The following FSTL1 variants were observed in gnomAD, a reference collection of about 807,000 sequenced individuals.
FSTL1 encodes the protein follistatin like 1.
Under a neutral mutation model 45.9 loss-of-function variants are expected in FSTL1, and 24 were observed. The ratio of observed to expected loss-of-function variants is 0.52; its 90% CI spans 0.38 to 0.74. FSTL1 has a LOEUF of 0.74. FSTL1 is among the 30% of genes least tolerant of loss of function. The pLI, the probability that FSTL1 is intolerant of heterozygous loss-of-function variation, is 0.00. For synonymous variants in FSTL1, 120 were observed against 137.6 expected (o/e 0.87, Z 0.89); for missense variants, 340 against 381.8 (o/e 0.89, Z 0.91).
chr3:120,450,608 C>T (rs1309502956), intron 2 of FSTL1, 76 bp downstream of exon 2: 29 of 968,368 alleles, frequency 3.0e-5, no homozygotes, highest in Non-Finnish European at 4.1e-5. Flanking sequence ...ATCCCCAGGA[C>T]GCGCGCCCAC....
chr3:120,416,129 G>T, intron 2 of FSTL1, 102 bp from the exon 3 acceptor site: 1 of 899,990 alleles, frequency 1.1e-6, no homozygotes, highest in Non-Finnish European at 1.8e-6. Context: ...TTGCTCTGGA[G>T]TCATGGCTCA....
chr3:120,445,875 C>T, intron 2 of FSTL1, among the ~76,000 whole-genome samples: 1 of 149,956 alleles, frequency 6.7e-6, no homozygotes, highest in Middle Eastern at 3.4e-3. Flanking sequence ...AGGGGATAGG[C>T]TCGATGAGGA....
intron 2 of FSTL1, among the ~76,000 whole-genome samples, chr3:120,427,932 A>G (rs1937409860): frequency 6.6e-6 from 1 of 152,150 alleles, no homozygotes; most frequent in Admixed American, 6.5e-5. Context: ...TTGGGGGCCT[A>G]TACTAGGGGG....
intron 2 of FSTL1, among the ~76,000 whole-genome samples, chr3:120,427,672 G>A (rs1490432096): frequency 6.6e-6 from 1 of 152,240 alleles, no homozygotes; most frequent in East Asian, 1.9e-4. Context: ...TGAAGAGTGT[G>A]TTTGTGCATG....
chr3:120,432,470 AG>A (rs1414786634), intron 2 of FSTL1, among the ~76,000 whole-genome samples: 1 of 152,144 alleles, frequency 6.6e-6, no homozygotes, highest in Non-Finnish European at 1.5e-5. Context: ...CTATTTTTTC[AG>A]AAATTAAAAC....
chr3:120,425,964 G>A (rs1309682303), intron 2 of FSTL1, among the ~76,000 whole-genome samples: 1 of 152,104 alleles, frequency 6.6e-6, no homozygotes, highest in Non-Finnish European at 1.5e-5. Flanking sequence ...ACTTGCATTT[G>A]CCTTGCAAGG....
chr3:120,392,582 T>C lies in FSTL1; in HGVS notation c.*4370A>G, dbSNP rs548805529. The C allele has an allele frequency of 6.6e-6, 1 of 152,232 alleles. No individual in the cohort carries two copies. The highest frequency in any genetic ancestry group is 2.1e-4 in the South Asian group (1 of 4,826). The allele number at this position is 152,232 out of a possible 1,614,324, so 9.4% of individuals were successfully genotyped here. On this transcript the variant is annotated 3_prime_UTR_variant, in exon 11 of 11. Transcript: ENST00000295633. ...TGTGATACAATTTGGATTTTTACCA[T>C]GTACACATATTATTTTTTCAGTAAA... is the stretch of plus-strand genomic sequence containing the variant.
intron 2 of FSTL1, among the ~76,000 whole-genome samples, chr3:120,434,057 T>C (rs937304522): frequency 6.6e-6 from 1 of 152,180 alleles, no homozygotes; most frequent in African/African-American, 2.4e-5. Flanking sequence ...CAGGCTGTCC[T>C]GTACAGAAAG....
Position 120,441,876 on chromosome 3 carries a change from G to A in FSTL1, c.63+8808C>T, listed in dbSNP as rs141788935. ...GAGATGGGGAAACAGGCTCAGAGAG[G>A]TTTTAAGTAGTTTTCCCAAGATCAC... On this transcript the variant is annotated intron_variant, in intron 2 of 10. Transcript: ENST00000295633. Among the ~76,000 whole-genome samples the A allele has an allele frequency of 3.1e-3, 477 of 152,370 alleles. 4 individuals carry two copies. The highest frequency in any genetic ancestry group is 0.011 in the African/African-American group (448 of 41,590).
Position 120,395,813 on chromosome 3 carries a change from AAAG to A in FSTL1, c.*1136_*1138del. The A allele has an allele frequency of 4.2e-6, 2 of 478,644 alleles. No homozygotes were observed. 29.6% of individuals were successfully genotyped at this position (478,644 alleles called of 1,614,324 possible). A position where few individuals can be genotyped will look rare whatever the true frequency, so the allele number is the denominator to read the frequency against. ...CACTGAGGAAACTGAGGTCCAGAAAAAAGAAGAGACAGGGCCAACTCACCCTCC... is the reference window on the plus strand; with the variant it reads ...CACTGAGGAAACTGAGGTCCAGAAAAAAGAGACAGGGCCAACTCACCCTCC... On this transcript the variant is annotated 3_prime_UTR_variant, in exon 11 of 11. Transcript: ENST00000295633.
Position 120,410,942 on chromosome 3 carries a change from A to G in FSTL1, c.331+10T>C. 1 of 1,600,712 alleles carries G rather than the reference A, an allele frequency of 6.2e-7. No individual in the cohort carries two copies. The highest frequency in any genetic ancestry group is 8.6e-7 in the Non-Finnish European group (1 of 1,167,828). On this transcript the variant is annotated intron_variant, in intron 5 of 10. Coordinates refer to ENST00000295633, the MANE Select transcript of FSTL1 (RefSeq NM_007085.5). The stretch of plus-strand genomic sequence containing the variant: ...CTGAGATGCACACAGTAGAAAAAAT[A>G]GGCACTCACCTGGGCTGGCAGATGG...
chr3:120,408,973 C>T (rs1485453799), intron 6 of FSTL1, among the ~76,000 whole-genome samples: 1 of 152,202 alleles, frequency 6.6e-6, no homozygotes, highest in East Asian at 1.9e-4. Context: ...TAGCATCTCT[C>T]CTGCTCCCAA....
At chr3:120,412,862 ACACACAC>A (rs2107656097) in intron 3 of FSTL1, among the ~76,000 whole-genome samples, 1 of 151,764 alleles carries the variant, frequency 6.6e-6, no homozygotes, top group African/African-American at 2.4e-5. Flanking sequence ...ACACACACAC[ACACACAC>A]ACACACTCCA....
intron 2 of FSTL1, among the ~76,000 whole-genome samples, chr3:120,425,364 CA>C (rs5852246): frequency 0.62 from 83,270 of 134,920 alleles, 25,277 homozygotes; most frequent in Admixed American, 0.71. Flanking sequence ...ATAAAACAGC[CA>C]AAAAAAAAAA....
chr3:120,442,432 G>C (rs1317752189), intron 2 of FSTL1, among the ~76,000 whole-genome samples: 1 of 152,186 alleles, frequency 6.6e-6, no homozygotes, highest in East Asian at 1.9e-4. Context: ...CTCTTTCATT[G>C]TTCTACAGCG....
At chr3:120,418,415 T>C (rs1937223276) in intron 2 of FSTL1, among the ~76,000 whole-genome samples, 3 of 152,196 alleles carry the variant, frequency 2.0e-5, no homozygotes, top group African/African-American at 7.2e-5. Flanking sequence ...CATCCTACTA[T>C]TTTTATTATA....
intron 2 of FSTL1, among the ~76,000 whole-genome samples, chr3:120,431,090 A>G (rs537809036): frequency 1.3e-5 from 2 of 152,110 alleles, no homozygotes; most frequent in South Asian, 2.1e-4. Flanking sequence ...TCCTTCCTCA[A>G]TCTGCTGAGT....
chr3:120,450,817 C>T (rs1243477986), intron 1 of FSTL1, 71 bp from the exon 2 acceptor site: 1 of 1,155,722 alleles, frequency 8.7e-7, no homozygotes, highest in Non-Finnish European at 1.2e-6. Flanking sequence ...TTGCTCGGGT[C>T]CCGCAGGCTC....
rs1936695056 is a variant in FSTL1 at position 120,396,165 on chromosome 3, A to T, written c.*787T>A. 6.7e-6 allele frequency: 1 copy of T among 148,226 alleles called. No homozygotes were observed. Among genetic ancestry groups the T allele is most frequent in the Non-Finnish European group, 1.5e-5 (1 of 67,698 alleles). The allele number at this position is 148,226 out of a possible 1,614,324, so 9.2% of individuals were successfully genotyped here. ...GAACCCCAAACTCCTTCCACCTATG[A>T]AGTGGTGGGACTACTGAAAAATAAT... On this transcript the variant is annotated 3_prime_UTR_variant, in exon 11 of 11. Transcript: ENST00000295633.
Sources: allele counts gnomAD v4.1 joint callset (sites outside exome capture counted in the v4.1 genomes callset), GRCh38; gene constraint gnomAD v4.1.1; transcripts MANE v1.5; gene names NCBI Gene and HGNC (gene_info 2026-07-23, HGNC 2026-07-21).